FYB1: variants seen among roughly 807,000 people sequenced by gnomAD.
The protein encoded by FYB1 is FYN binding protein 1.
FYB1 carries 41 observed loss-of-function variants against 94.1 expected under a neutral mutation model. The ratio of observed to expected loss-of-function variants is 0.44; its 90% CI spans 0.34 to 0.57. FYB1 has a LOEUF of 0.57. Ranked by LOEUF, FYB1 falls within the 20% of genes least tolerant of loss-of-function variation. The pLI is 0.02. For missense variants in FYB1, 1,050 were observed against 976.8 expected, an observed-to-expected ratio of 1.07 and a Z score of -1.00; for synonymous variants, 367 against 353.2, an observed-to-expected ratio of 1.04 and a Z score of -0.44.
At chr5:39,158,693 G>A (rs1235690201) in intron 2 of FYB1, among the ~76,000 whole-genome samples, 2 of 152,136 alleles carry the variant, frequency 1.3e-5, no homozygotes, top group Admixed American at 6.5e-5. Flanking sequence ...TAATGTTTGT[G>A]ACTTTTGACT....
chr5:39,115,587 A>G (rs1328299426), intron 16 of FYB1, among the ~76,000 whole-genome samples: 3 of 152,164 alleles, frequency 2.0e-5, no homozygotes, highest in Non-Finnish European at 4.4e-5. Flanking sequence ...GTGTAAGGGC[A>G]AAGATAGACA....
chr5:39,231,445 TCTCTC>T (rs1463576508), intron 1 of FYB1, among the ~76,000 whole-genome samples: 6 of 152,124 alleles, frequency 3.9e-5, no homozygotes, highest in East Asian at 1.9e-4. Context: ...AAAAATCTCT[TCTCTC>T]AAGAAACCCA....
intron 1 of FYB1, among the ~76,000 whole-genome samples, chr5:39,256,750 G>C (rs1462326164): frequency 4.6e-5 from 7 of 152,090 alleles, no homozygotes. Context: ...ATTGTGTTGG[G>C]TGGCTATGTT....
chr5:39,268,316 C>G lies in FYB1; in HGVS notation c.-28+6087G>C, dbSNP rs563144858. 9.7e-4 allele frequency among the ~76,000 whole-genome samples: 146 copies of G among 151,182 alleles called. 1 individual carries two copies. The highest frequency in any genetic ancestry group is 3.5e-3 in the African/African-American group (143 of 41,194). On this transcript the variant is annotated intron_variant, in intron 1 of 1. Coordinates refer to the FYB1 transcript ENST00000510188. The stretch of plus-strand genomic sequence containing the variant: ...GATCATTCATCACTGCCGCCTTGAA[C>G]TCCTGAGCTCAAATAATCCTCCTGC...
Position 39,202,671 on chromosome 5 carries a change from C to A in FYB1, c.290G>T (p.Ser97Ile), listed in dbSNP as rs36011681. 2.5e-4 allele frequency: 405 copies of A among 1,613,760 alleles called. No individual in the cohort carries two copies. The African/African-American group carries it at 4.9e-3, about 20-fold the overall frequency. The change falls in exon 2 of 19, where the codon AGC (serine) becomes ATC (isoleucine). Residue 97 changes from serine (S) to isoleucine (I), a missense_variant. By Grantham distance (142) the Ser-to-Ile change is moderately radical. Transcript: ENST00000512982. Reference protein sequence around the residue: ...GAGQRFGTPASLTTRDPEAKV... With the variant: ...GAGQRFGTPAILTTRDPEAKV... ...CGCCTCGGGGTCTCTGGTGGTCAAG[C>A]TGGCTGGTGTTCCGAATCTTTGGCC...
intron 2 of FYB1, among the ~76,000 whole-genome samples, chr5:39,156,984 T>TA (rs1283347536): frequency 1.7e-4 from 26 of 152,250 alleles, no homozygotes; most frequent in South Asian, 6.2e-4. Context: ...TAATATTAAT[T>TA]AATCATGCAA....
At chr5:39,215,102 A>G (rs1472577788) in intron 1 of FYB1, among the ~76,000 whole-genome samples, 1 of 152,198 alleles carries the variant, frequency 6.6e-6, no homozygotes, top group Non-Finnish European at 1.5e-5. Flanking sequence ...CCTGAAATCA[A>G]TAGTGGCAAT....
intron 10 of FYB1, among the ~76,000 whole-genome samples, chr5:39,130,286 G>C (rs1050515935): frequency 6.6e-6 from 1 of 152,026 alleles, no homozygotes; most frequent in Admixed American, 6.6e-5. Flanking sequence ...GACATGAAGA[G>C]AGATTGGTGA....
chr5:39,244,588 G>A (rs1046920573), intron 1 of FYB1, among the ~76,000 whole-genome samples: 2 of 147,276 alleles, frequency 1.4e-5, no homozygotes, highest in Non-Finnish European at 2.9e-5. Flanking sequence ...CGGGGATATT[G>A]GTCTAAAATT....
intron 2 of FYB1, among the ~76,000 whole-genome samples, chr5:39,172,304 G>A (rs1713599671): frequency 6.6e-6 from 1 of 152,072 alleles, no homozygotes; most frequent in African/African-American, 2.4e-5. Flanking sequence ...AAATCAGCCA[G>A]GCATAGTGGT....
chr5:39,187,969 A>T (rs868741106), intron 2 of FYB1, among the ~76,000 whole-genome samples: 1 of 152,176 alleles, frequency 6.6e-6, no homozygotes, highest in Non-Finnish European at 1.5e-5. Flanking sequence ...AGAAAACAGG[A>T]AAAAGAAAGA....
At chr5:39,212,510 T>TC (rs751528605) in intron 1 of FYB1, among the ~76,000 whole-genome samples, 117 of 151,978 alleles carry the variant, frequency 7.7e-4, no homozygotes, top group Non-Finnish European at 1.3e-3. Flanking sequence ...CCCTCAACCC[T>TC]CCCCCTTGTT....
At chr5:39,223,125 T>A (rs1226719673), upstream of FYB1, among the ~76,000 whole-genome samples, 4 of 151,784 alleles carry the variant, frequency 2.6e-5, no homozygotes, top group Admixed American at 6.6e-5. Context: ...TAAAATAAAA[T>A]AAAATTTAAA....
In FYB1 at chr5:39,199,944, A is replaced by G. The variant is rs143943965; in HGVS notation, c.1135+1882T>C. On this transcript the variant is annotated intron_variant, in intron 2 of 18. Coordinates refer to ENST00000512982, the MANE Select transcript of FYB1 (RefSeq NM_001465.6). Reference sequence around the variant, plus strand: ...AGTTATGAATCAGATTGCTTAATCCAGATATCAAATGAGGTCAATCTAGAT... The same window carrying G: ...AGTTATGAATCAGATTGCTTAATCCGGATATCAAATGAGGTCAATCTAGAT... Among the ~76,000 whole-genome samples the G allele has an allele frequency of 1.3e-3, 198 of 152,388 alleles. 5 individuals are homozygous for G. The South Asian group carries it at 0.019, about 15-fold the overall frequency.
At chr5:39,203,875 T>C (rs1317371587) in intron 1 of FYB1, among the ~76,000 whole-genome samples, 1 of 152,196 alleles carries the variant, frequency 6.6e-6, no homozygotes, top group Non-Finnish European at 1.5e-5. Context: ...TTTTTCTCTG[T>C]GAATGTAATC....
At chr5:39,143,502 A>G (rs999131985) in intron 3 of FYB1, among the ~76,000 whole-genome samples, 7 of 146,972 alleles carry the variant, frequency 4.8e-5, no homozygotes, top group Non-Finnish European at 8.8e-5. Context: ...TGGTAATCAG[A>G]ATTACTCCTT....
chr5:39,113,586 A>T (rs1176968088), intron 16 of FYB1, among the ~76,000 whole-genome samples: 2 of 152,160 alleles, frequency 1.3e-5, no homozygotes, highest in African/African-American at 4.8e-5. Context: ...TTAGAAGGGT[A>T]TTGTGAATAC....
chr5:39,202,331 A>T lies in FYB1; in HGVS notation c.630T>A (p.His210Gln), dbSNP rs754951006. ...QKPPLSTENS[H>Q]EDESPMKNVS... ...CATTCTTCATGGGGCTTTCGTCTTC[A>T]TGGGAGTTCTCGGTACTTAGGGGCG... Residue 210 changes from histidine to glutamine, a missense_variant, in exon 2 of 19, where the codon CAT becomes CAA. Transcript: ENST00000512982. 3.7e-6 allele frequency: 6 copies of T among 1,613,492 alleles called. No individual in the cohort carries two copies. Among genetic ancestry groups the T allele is most frequent in the African/African-American group, 1.3e-5 (1 of 74,794 alleles).
chr5:39,142,078 C>T lies in FYB1; in HGVS notation c.1293-937G>A, dbSNP rs1006872737. ...ATATGACCATTTATATTTTCTATTC[C>T]TATTCTCAGTTAATTAACATAGCTG... On this transcript the variant is annotated intron_variant, in intron 3 of 18. Transcript: ENST00000512982. Among the ~76,000 whole-genome samples the T allele has an allele frequency of 2.6e-5, 4 of 152,094 alleles. 1 individual carries two copies. The South Asian group carries it at 8.3e-4, about 32-fold the overall frequency.
Sources: gnomAD v4.1 joint callset for allele counts (sites outside exome capture counted in the v4.1 genomes callset) on GRCh38, gnomAD v4.1.1 for gene constraint, MANE v1.5 for transcripts, NCBI Gene and HGNC (gene_info 2026-07-23, HGNC 2026-07-21) for gene names.